Variants in FNDC3A observed in about 807,000 individuals in gnomAD.
FNDC3A encodes the protein fibronectin type-III domain-containing protein 3A.
In FNDC3A, 32 loss-of-function variants were observed where a neutral mutation model predicts 148.9. The ratio of observed to expected loss-of-function variants is 0.21; its 90% CI spans 0.16 to 0.29. The LOEUF is 0.29. Ranked by LOEUF, FNDC3A falls within the 10% of genes least tolerant of loss-of-function variation. FNDC3A has a pLI of 1.00. For synonymous variants in FNDC3A, 472 were observed against 473.6 expected, an observed-to-expected ratio of 1.00 and a Z score of 0.04; for missense variants, 1,191 against 1,452.8, an observed-to-expected ratio of 0.82 and a Z score of 2.93.
chr13:49,026,297 C>T (rs1056718924), intron 2 of FNDC3A, among the ~76,000 whole-genome samples: 9 of 152,066 alleles, frequency 5.9e-5, no homozygotes, highest in South Asian at 4.1e-4. Flanking sequence ...ACTCCAAGTT[C>T]GGAAAAATGA....
At chr13:49,043,654 A>G (rs1875128818) in intron 2 of FNDC3A, among the ~76,000 whole-genome samples, 1 of 152,132 alleles carries the variant, frequency 6.6e-6, no homozygotes, top group East Asian at 1.9e-4. Flanking sequence ...TTAAGTAAGC[A>G]AAACTTTGGC....
At chr13:49,075,756 A>C (rs1593554970) in intron 3 of FNDC3A, among the ~76,000 whole-genome samples, 2 of 150,586 alleles carry the variant, frequency 1.3e-5, no homozygotes, top group African/African-American at 2.5e-5. Context: ...ATCTTGTACT[A>C]TGTGTTCTGT....
At chr13:49,179,319 T>G (rs1885189969) in intron 14 of FNDC3A, among the ~76,000 whole-genome samples, 1 of 152,232 alleles carries the variant, frequency 6.6e-6, no homozygotes, top group Non-Finnish European at 1.5e-5. Context: ...GTGTATAATT[T>G]CAATTTGTCT....
intron 2 of FNDC3A, among the ~76,000 whole-genome samples, chr13:49,042,672 G>A (rs1474879670): frequency 6.6e-6 from 1 of 152,108 alleles, no homozygotes; most frequent in Non-Finnish European, 1.5e-5. Context: ...TAATACTTGG[G>A]TGGCTGAGGT....
At chr13:48,980,247 G>C (rs975046477) in intron 1 of FNDC3A, among the ~76,000 whole-genome samples, 1 of 152,142 alleles carries the variant, frequency 6.6e-6, no homozygotes, top group African/African-American at 2.4e-5. Context: ...TATAAGGTTA[G>C]GTGTATCAAC....
intron 1 of FNDC3A, among the ~76,000 whole-genome samples, chr13:48,988,404 A>G (rs1001568320): frequency 5.3e-5 from 8 of 152,214 alleles, no homozygotes; most frequent in African/African-American, 7.2e-5. Context: ...TCATGAATAC[A>G]CCTACTTTAG....
chr13:49,144,189 G>GT (rs1179688226), intron 7 of FNDC3A, among the ~76,000 whole-genome samples: 1 of 151,518 alleles, frequency 6.6e-6, no homozygotes, highest in Non-Finnish European at 1.5e-5. Flanking sequence ...GTAGCAGTTT[G>GT]TTTTAAAAAA....
intron 3 of FNDC3A, among the ~76,000 whole-genome samples, chr13:49,080,467 T>C (rs892517792): frequency 1.3e-5 from 2 of 152,232 alleles, no homozygotes; most frequent in Non-Finnish European, 2.9e-5. Flanking sequence ...TTTGAGTCTG[T>C]CTCAGGTTTT....
chr13:49,036,417 T>C (rs1012765719), intron 2 of FNDC3A, among the ~76,000 whole-genome samples: 2 of 152,188 alleles, frequency 1.3e-5, no homozygotes, highest in Admixed American at 6.5e-5. Context: ...ACAAATGCTA[T>C]AGGACATTTC....
intron 1 of FNDC3A, among the ~76,000 whole-genome samples, chr13:48,994,656 T>C (rs1460766889): frequency 6.6e-6 from 1 of 152,026 alleles, no homozygotes; most frequent in African/African-American, 2.4e-5. Flanking sequence ...CGCATGCCTG[T>C]AATCCCAGCT....
intron 7 of FNDC3A, among the ~76,000 whole-genome samples, chr13:49,141,696 A>G (rs1339566503): frequency 6.6e-6 from 1 of 152,202 alleles, no homozygotes; most frequent in African/African-American, 2.4e-5. Context: ...ATTTAACCCA[A>G]TGGACAGTTT....
At chr13:48,979,337 A>C (rs1022312972) in intron 1 of FNDC3A, among the ~76,000 whole-genome samples, 2 of 152,194 alleles carry the variant, frequency 1.3e-5, no homozygotes, top group African/African-American at 2.4e-5. Flanking sequence ...TGTGACACCA[A>C]CTGGAATTTA....
intron 3 of FNDC3A, among the ~76,000 whole-genome samples, chr13:49,096,734 C>G (rs4409983): frequency 6.6e-6 from 1 of 152,106 alleles, no homozygotes; most frequent in East Asian, 1.9e-4. Context: ...GCCTCACAGC[C>G]TAGTACAACA....
chr13:49,162,192 T>C (rs1884177191), intron 8 of FNDC3A, among the ~76,000 whole-genome samples: 1 of 152,240 alleles, frequency 6.6e-6, no homozygotes, highest in African/African-American at 2.4e-5. Flanking sequence ...GATAATATCC[T>C]GAAGAGTGTT....
intron 2 of FNDC3A, among the ~76,000 whole-genome samples, chr13:49,039,495 A>C (rs896303489): frequency 6.6e-6 from 1 of 152,118 alleles, no homozygotes; most frequent in Non-Finnish European, 1.5e-5. Flanking sequence ...TCCCCCAAGT[A>C]AATAATTTTA....
intron 21 of FNDC3A, 36 bp from the exon 22 acceptor site, chr13:49,197,946 T>C: frequency 1.3e-6 from 2 of 1,598,436 alleles, no homozygotes; most frequent in Non-Finnish European, 1.7e-6. Flanking sequence ...TTCATGGTCA[T>C]GACTTTGTTA....
intron 8 of FNDC3A, among the ~76,000 whole-genome samples, chr13:49,158,393 C>T (rs966754577): frequency 5.9e-5 from 9 of 152,334 alleles, no homozygotes; most frequent in South Asian, 2.1e-4. Flanking sequence ...CCACGGTACG[C>T]GCGCTCACTG....
At chr13:49,126,842 A>G (rs1881729062) in intron 4 of FNDC3A, among the ~76,000 whole-genome samples, 1 of 152,246 alleles carries the variant, frequency 6.6e-6, no homozygotes, top group Non-Finnish European at 1.5e-5. Flanking sequence ...ATAGAGTAAG[A>G]CATATGCATC....
At chr13:49,034,098 G>A (rs1184120981) in intron 2 of FNDC3A, among the ~76,000 whole-genome samples, 2 of 151,648 alleles carry the variant, frequency 1.3e-5, no homozygotes, top group African/African-American at 4.8e-5. Context: ...TAAAATATGC[G>A]GAGTCTTTAA....
Sources: gnomAD v4.1 joint callset for allele counts (sites outside exome capture counted in the v4.1 genomes callset) on GRCh38, gnomAD v4.1.1 for gene constraint, MANE v1.5 for transcripts, NCBI Gene and HGNC (gene_info 2026-07-23, HGNC 2026-07-21) for gene names.